SAMD12: variants seen among roughly 807,000 people sequenced by gnomAD.
SAMD12 encodes sterile alpha motif domain containing 12.
Under a neutral mutation model 15.0 loss-of-function variants are expected in SAMD12, and 9 were observed. The observed-to-expected ratio is 0.60, with a 90% CI of 0.36 to 1.05. The LOEUF is 1.05. Among genes scored for constraint, SAMD12 ranks in the 50% least tolerant of loss-of-function variants. The pLI, the probability that SAMD12 is intolerant of heterozygous loss-of-function variation, is 0.01. For synonymous variants in SAMD12, 86 were observed against 90.1 expected, an observed-to-expected ratio of 0.96 and a Z score of 0.25; for missense variants, 230 against 234.2, an observed-to-expected ratio of 0.98 and a Z score of 0.12.
chr8:118,140,161 C>T, the SAMD12 span, among the ~76,000 whole-genome samples: 1 of 152,086 alleles, frequency 6.6e-6, no homozygotes, highest in Non-Finnish European at 1.5e-5. Context: ...GAAGGATAAA[C>T]AATAATTGAA....
chr8:118,361,160 T>C (rs1323737597), intron 4 of SAMD12, among the ~76,000 whole-genome samples: 1 of 152,246 alleles, frequency 6.6e-6, no homozygotes, highest in Non-Finnish European at 1.5e-5. Flanking sequence ...GTCCCCACTA[T>C]ACAATCTCAA....
chr8:118,511,452 GTTTTTT>G (rs142995747), intron 2 of SAMD12, among the ~76,000 whole-genome samples: 1 of 131,692 alleles, frequency 7.6e-6, no homozygotes, highest in African/African-American at 2.5e-5. Context: ...TTTTGTTTTT[GTTTTTT>G]TTTTAAATGT....
exon 5 of SAMD12, chr8:118,192,315 T>C (rs959954267): frequency 1.4e-4 from 22 of 152,190 alleles, no homozygotes; most frequent in African/African-American, 5.1e-4. Context: ...TAGATGTGTC[T>C]GTGCTAATGT....
intron 2 of SAMD12, among the ~76,000 whole-genome samples, chr8:118,454,249 C>T (rs1199192696): frequency 6.6e-6 from 1 of 152,138 alleles, no homozygotes; most frequent in Non-Finnish European, 1.5e-5. Context: ...AAAAACAATC[C>T]CTCACAATTT....
intron 4 of SAMD12, among the ~76,000 whole-genome samples, chr8:118,264,221 T>A (rs1255721887): frequency 6.6e-6 from 1 of 152,118 alleles, no homozygotes; most frequent in Non-Finnish European, 1.5e-5. Flanking sequence ...AATGTGTTTA[T>A]GTAGTACAAA....
At chr8:118,465,400 A>T (rs982414559) in intron 2 of SAMD12, among the ~76,000 whole-genome samples, 1 of 152,236 alleles carries the variant, frequency 6.6e-6, no homozygotes, top group Non-Finnish European at 1.5e-5. Context: ...GGCTAAAAGA[A>T]GATGATCAGC....
intron 4 of SAMD12, among the ~76,000 whole-genome samples, chr8:118,367,498 A>G (rs1370974484): frequency 2.0e-5 from 3 of 152,218 alleles, no homozygotes; most frequent in Admixed American, 2.0e-4. Context: ...GATCCTTCAA[A>G]TCCACAGTCA....
chr8:118,571,555 G>C (rs1227712051), intron 2 of SAMD12, among the ~76,000 whole-genome samples: 1 of 152,206 alleles, frequency 6.6e-6, no homozygotes, highest in Non-Finnish European at 1.5e-5. Flanking sequence ...AAGTGGTTTT[G>C]TGGGCCGGGC....
Position 118,530,539 on chromosome 8 carries a change from G to T in SAMD12, c.192+50176C>A, listed in dbSNP as rs140895665. On this transcript the variant is annotated intron_variant, in intron 2 of 3. Coordinates refer to ENST00000314727, the MANE Select transcript of SAMD12 (RefSeq NM_207506.3). ...CCCACTTTTTAATAGGGTTATTTGG[G>T]TTTTTTTGTCTTGTTTTTTCTTGTT... Among the ~76,000 whole-genome samples the T allele has an allele frequency of 4.1e-3, 628 of 151,944 alleles. 1 individual carries two copies. Among genetic ancestry groups the T allele is most frequent in the Middle Eastern group, 6.8e-3 (2 of 294 alleles).
chr8:118,321,445 C>T (rs1464926492), intron 4 of SAMD12, among the ~76,000 whole-genome samples: 1 of 151,488 alleles, frequency 6.6e-6, no homozygotes, highest in African/African-American at 2.4e-5. Flanking sequence ...GAAACCCCGT[C>T]TCTCCTAAAA....
At chr8:118,593,434 T>A (rs1827637758) in intron 1 of SAMD12, among the ~76,000 whole-genome samples, 1 of 152,226 alleles carries the variant, frequency 6.6e-6, no homozygotes, top group Non-Finnish European at 1.5e-5. Context: ...TCAATACTTC[T>A]GAATGTACCT....
intron 3 of SAMD12, among the ~76,000 whole-genome samples, chr8:118,436,386 T>C (rs912568243): frequency 6.6e-6 from 1 of 152,176 alleles, no homozygotes; most frequent in African/African-American, 2.4e-5. Context: ...ATGTCAAAGG[T>C]TGGTGTAGAG....
intron 4 of SAMD12, among the ~76,000 whole-genome samples, chr8:118,256,590 G>A (rs377742175): frequency 6.6e-6 from 1 of 151,786 alleles, no homozygotes; most frequent in South Asian, 2.1e-4. Context: ...TTCAAAGTGC[G>A]TAAAGTACTA....
chr8:118,496,702 A>T (rs909328734), intron 2 of SAMD12, among the ~76,000 whole-genome samples: 1 of 152,202 alleles, frequency 6.6e-6, no homozygotes, highest in African/African-American at 2.4e-5. Flanking sequence ...AATTGCAACA[A>T]AAACAAAAAC....
chr8:118,187,469 T>G (rs1381640043), downstream of SAMD12, among the ~76,000 whole-genome samples: 1 of 152,194 alleles, frequency 6.6e-6, no homozygotes, highest in Non-Finnish European at 1.5e-5. Flanking sequence ...TTTAAGGATT[T>G]CTCTAGCACA....
chr8:118,481,043 A>G (rs981109893), intron 2 of SAMD12, among the ~76,000 whole-genome samples: 1 of 152,176 alleles, frequency 6.6e-6, no homozygotes, highest in Non-Finnish European at 1.5e-5. Flanking sequence ...CCTGGGTTCA[A>G]GCGATTCTCC....
intron 4 of SAMD12, among the ~76,000 whole-genome samples, chr8:118,302,005 C>G (rs1247111474): frequency 6.7e-6 from 1 of 148,472 alleles, no homozygotes; most frequent in African/African-American, 2.5e-5. Flanking sequence ...ATAATAAGAC[C>G]AGTATATAAA....
the SAMD12 span, among the ~76,000 whole-genome samples, chr8:118,132,488 A>T: frequency 6.6e-6 from 1 of 152,262 alleles, no homozygotes; most frequent in East Asian, 1.9e-4. Flanking sequence ...TTTCCAGAGC[A>T]TTCCGAGCAT....
chr8:118,215,336 C>T (rs1211053097), intron 4 of SAMD12, among the ~76,000 whole-genome samples: 1 of 152,122 alleles, frequency 6.6e-6, no homozygotes, highest in Non-Finnish European at 1.5e-5. Flanking sequence ...TATTTACCAT[C>T]TGGTTATTTA....
Sources: gnomAD v4.1 joint callset for allele counts (sites outside exome capture counted in the v4.1 genomes callset) on GRCh38, gnomAD v4.1.1 for gene constraint, MANE v1.5 for transcripts, NCBI Gene and HGNC (gene_info 2026-07-23, HGNC 2026-07-21) for gene names.